Variants in ASTN1 observed in about 807,000 individuals in gnomAD.
ASTN1 encodes astrotactin-1.
ASTN1 carries 41 observed loss-of-function variants against 140.7 expected under a neutral mutation model. The observed-to-expected ratio is 0.29, with a 90% CI of 0.23 to 0.38. The LOEUF is 0.38. ASTN1 is among the 10% of genes least tolerant of loss of function. The pLI, the probability that ASTN1 is intolerant of heterozygous loss-of-function variation, is 1.00. For missense variants in ASTN1, 1,479 were observed against 1,678.8 expected (o/e 0.88, Z 2.08); for synonymous variants, 640 against 652.2 (o/e 0.98, Z 0.29).
At chr1:176,917,165 G>T (rs1670522753) in intron 16 of ASTN1, among the ~76,000 whole-genome samples, 1 of 152,058 alleles carries the variant, frequency 6.6e-6, no homozygotes, top group Non-Finnish European at 1.5e-5. Flanking sequence ...GGTAGCCCCT[G>T]TCATACCTCA....
At chr1:176,967,932 T>C (rs549828111) in intron 8 of ASTN1, among the ~76,000 whole-genome samples, 13 of 149,994 alleles carry the variant, frequency 8.7e-5, no homozygotes, top group Non-Finnish European at 1.3e-4. Context: ...GGCAGGAGTG[T>C]AGTGTAGACC....
chr1:176,891,201 T>G (rs996286722), intron 17 of ASTN1, among the ~76,000 whole-genome samples: 4 of 152,342 alleles, frequency 2.6e-5, no homozygotes, highest in Admixed American at 2.0e-4. Flanking sequence ...GTACCCAGCA[T>G]TGCATAGGGA....
chr1:176,901,513 G>C (rs1235732301), intron 16 of ASTN1, among the ~76,000 whole-genome samples: 1 of 152,202 alleles, frequency 6.6e-6, no homozygotes, highest in Admixed American at 6.5e-5. Context: ...GGAGCAGTTG[G>C]ATGTAGCTCC....
intron 21 of ASTN1, among the ~76,000 whole-genome samples, chr1:176,870,608 TA>T (rs1668299091): frequency 6.6e-6 from 1 of 152,222 alleles, no homozygotes; most frequent in Non-Finnish European, 1.5e-5. Context: ...GGAAACAATT[TA>T]AATTTACTTT....
intron 1 of ASTN1, among the ~76,000 whole-genome samples, chr1:177,100,594 G>C (rs1680253827): frequency 6.6e-6 from 1 of 151,592 alleles, no homozygotes; most frequent in African/African-American, 2.4e-5. Flanking sequence ...GCCTTCAGGA[G>C]TTTAGGATGA....
chr1:177,069,491 G>A (rs1339875429), intron 1 of ASTN1, among the ~76,000 whole-genome samples: 2 of 152,204 alleles, frequency 1.3e-5, no homozygotes, highest in Non-Finnish European at 2.9e-5. Flanking sequence ...TCTGGGGGCA[G>A]TTGGGGGTGG....
intron 8 of ASTN1, among the ~76,000 whole-genome samples, chr1:176,977,648 C>CT (rs962925993): frequency 4.6e-5 from 7 of 152,164 alleles, no homozygotes; most frequent in African/African-American, 1.4e-4. Flanking sequence ...GAGCCAAGTA[C>CT]TTTTTTTCAC....
At chr1:177,044,380 T>C (rs1395815895) in intron 2 of ASTN1, among the ~76,000 whole-genome samples, 1 of 152,068 alleles carries the variant, frequency 6.6e-6, no homozygotes, top group African/African-American at 2.4e-5. Context: ...GGGTTGTGAT[T>C]GAGTGGGGTG....
At chr1:176,877,444 G>A (rs574670973) in intron 20 of ASTN1, among the ~76,000 whole-genome samples, 1 of 152,316 alleles carries the variant, frequency 6.6e-6, no homozygotes, top group South Asian at 2.1e-4. Context: ...ACTGCCCACT[G>A]TGGACCAGGA....
chr1:177,154,870 A>G (rs1185028437), intron 1 of ASTN1, among the ~76,000 whole-genome samples: 6 of 152,152 alleles, frequency 3.9e-5, no homozygotes, highest in Non-Finnish European at 5.9e-5. Context: ...TCTCTGCATG[A>G]GATTACAAAA....
intron 14 of ASTN1, among the ~76,000 whole-genome samples, chr1:176,941,455 C>T (rs1337192115): frequency 1.3e-5 from 2 of 152,256 alleles, no homozygotes; most frequent in African/African-American, 2.4e-5. Context: ...TTGACTGCCT[C>T]GGGATCATCA....
intron 21 of ASTN1, among the ~76,000 whole-genome samples, chr1:176,873,786 C>T (rs142810103): frequency 3.3e-5 from 5 of 152,272 alleles, no homozygotes; most frequent in African/African-American, 1.2e-4. Flanking sequence ...TAAATTGGCT[C>T]TTCTGCTCCC....
intron 16 of ASTN1, among the ~76,000 whole-genome samples, chr1:176,910,481 A>G (rs566398208): frequency 2.6e-5 from 4 of 152,350 alleles, no homozygotes; most frequent in East Asian, 1.9e-4. Flanking sequence ...AAATATGCCA[A>G]TATGAATTAT....
chr1:176,899,166 G>T (rs1005875629), intron 16 of ASTN1, among the ~76,000 whole-genome samples: 27 of 152,186 alleles, frequency 1.8e-4, no homozygotes, highest in African/African-American at 6.5e-4. Flanking sequence ...AATGTCATTT[G>T]CTTTAGGCTA....
chr1:177,133,795 T>A (rs1682048844), intron 1 of ASTN1, among the ~76,000 whole-genome samples: 1 of 152,208 alleles, frequency 6.6e-6, no homozygotes, highest in Non-Finnish European at 1.5e-5. Flanking sequence ...CTCAAGAAGA[T>A]AACTAATTTT....
chr1:176,960,907 C>T (rs1305857730), intron 9 of ASTN1, among the ~76,000 whole-genome samples: 2 of 152,128 alleles, frequency 1.3e-5, no homozygotes, highest in Non-Finnish European at 2.9e-5. Flanking sequence ...ACCCTCTACC[C>T]TCAGGCTGAA....
At chr1:177,156,683 C>G (rs1683253561) in intron 1 of ASTN1, among the ~76,000 whole-genome samples, 2 of 152,110 alleles carry the variant, frequency 1.3e-5, no homozygotes, top group South Asian at 4.1e-4. Flanking sequence ...CCATAGCTCC[C>G]CATTCCTTTG....
chr1:177,160,569 G>C (rs1364742075), intron 1 of ASTN1, among the ~76,000 whole-genome samples: 1 of 152,164 alleles, frequency 6.6e-6, no homozygotes, highest in Non-Finnish European at 1.5e-5. Context: ...TAGTAATGAG[G>C]CTGATATAAA....
At chr1:176,940,845 G>C (rs1205485391) in intron 14 of ASTN1, among the ~76,000 whole-genome samples, 1 of 152,196 alleles carries the variant, frequency 6.6e-6, no homozygotes, top group Non-Finnish European at 1.5e-5. Context: ...TGATTCTCTA[G>C]TTAAATAGAC....
Sources: allele counts gnomAD v4.1 joint callset (sites outside exome capture counted in the v4.1 genomes callset), GRCh38; gene constraint gnomAD v4.1.1; transcripts MANE v1.5; gene names NCBI Gene and HGNC (gene_info 2026-07-23, HGNC 2026-07-21).